Variants in MAML3 observed in about 807,000 individuals in gnomAD.
MAML3 encodes mastermind like transcriptional coactivator 3, also known as mastermind-like protein 3.
MAML3 carries 27 observed loss-of-function variants against 101.9 expected under a neutral mutation model. The observed-to-expected ratio is 0.27, with a 90% confidence interval of 0.20 to 0.37. The LOEUF is 0.37. MAML3 is among the 10% of genes least tolerant of loss of function. The probability of loss-of-function intolerance (pLI) is 1.00; values close to 1 mark genes in which losing one functional copy is unlikely to be tolerated. For missense variants in MAML3, 1,316 were observed against 1,444.9 expected (o/e 0.91, Z 1.45); for synonymous variants, 501 against 555.9 (o/e 0.90, Z 1.39).
intron 1 of MAML3, among the ~76,000 whole-genome samples, chr4:140,018,997 G>C (rs1188386293): frequency 8.4e-6 from 1 of 119,498 alleles, no homozygotes; most frequent in East Asian, 3.0e-4. Flanking sequence ...TGCAAAATTA[G>C]TAACTGAAGA....
At chr4:139,993,226 C>G (rs920273499) in intron 1 of MAML3, among the ~76,000 whole-genome samples, 2 of 151,780 alleles carry the variant, frequency 1.3e-5, no homozygotes, top group Non-Finnish European at 2.9e-5. Flanking sequence ...GTGGCACACC[C>G]CTGTAATCTC....
intron 2 of MAML3, chr4:139,740,636 A>G (rs1371610057): frequency 1.3e-5 from 2 of 152,120 alleles, no homozygotes; most frequent in African/African-American, 4.8e-5. Flanking sequence ...AGATTGCATA[A>G]CTGATGCATA....
intron 1 of MAML3, among the ~76,000 whole-genome samples, chr4:140,057,638 T>G (rs1301204769): frequency 2.0e-5 from 3 of 152,222 alleles, no homozygotes; most frequent in African/African-American, 7.2e-5. Flanking sequence ...TGGTTTATTA[T>G]GAGATCATCG....
Position 139,942,799 on chromosome 4 carries a change from C to T in MAML3, c.469-51832G>A, listed in dbSNP as rs182164793. On this transcript the variant is annotated intron_variant, in intron 1 of 4. Transcript: ENST00000509479. ...TTAGAAAACTGAATCGTGATTTGGT[C>T]CTTTTATTCCCCAAAGCTAAATAAA... Among the ~76,000 whole-genome samples, 163 of 152,166 alleles carry T rather than the reference C, an allele frequency of 1.1e-3. 6 individuals are homozygous for T. In the East Asian group the frequency reaches 0.027, roughly 26 times the overall value.
intron 2 of MAML3, among the ~76,000 whole-genome samples, chr4:139,819,582 T>C (rs1172625247): frequency 6.6e-6 from 1 of 152,184 alleles, no homozygotes; most frequent in African/African-American, 2.4e-5. Flanking sequence ...TAACTTCTTC[T>C]TGGGTATTTT....
chr4:139,812,648 C>A (rs1172532185), intron 2 of MAML3, among the ~76,000 whole-genome samples: 4 of 152,202 alleles, frequency 2.6e-5, no homozygotes, highest in Non-Finnish European at 5.9e-5. Flanking sequence ...GCCAGTCTTA[C>A]AACTTCTAGA....
intron 1 of MAML3, among the ~76,000 whole-genome samples, chr4:140,069,381 AAGAAGG>A (rs1400637226): frequency 0.02 from 1,918 of 98,204 alleles, 15 homozygotes; most frequent in Non-Finnish European, 0.026. Context: ...GAAGAAGAAG[AAGAAGG>A]AGGAGGAGGA....
intron 1 of MAML3, among the ~76,000 whole-genome samples, chr4:139,987,266 C>T (rs1307368116): frequency 6.6e-6 from 1 of 152,160 alleles, no homozygotes; most frequent in African/African-American, 2.4e-5. Context: ...CATCATACGA[C>T]GTCTCCTGGT....
chr4:140,103,697 T>A (rs1728287841), intron 1 of MAML3, among the ~76,000 whole-genome samples: 1 of 152,248 alleles, frequency 6.6e-6, no homozygotes, highest in Non-Finnish European at 1.5e-5. Context: ...TGAATCATTC[T>A]ACAACAAATA....
At chr4:139,821,453 G>A (rs779621757) in intron 2 of MAML3, among the ~76,000 whole-genome samples, 3 of 152,184 alleles carry the variant, frequency 2.0e-5, no homozygotes, top group African/African-American at 4.8e-5. Flanking sequence ...GATCTGAGGT[G>A]GAAGAGCTTC....
At chr4:139,994,759 T>TTGG (rs375120156) in intron 1 of MAML3, among the ~76,000 whole-genome samples, 1 of 150,758 alleles carries the variant, frequency 6.6e-6, no homozygotes, top group African/African-American at 2.4e-5. Flanking sequence ...TTAGTTTTAA[T>TTGG]TGGTGGTGGT....
chr4:139,730,705 C>T (rs1033299585), intron 2 of MAML3, 38 bp from the exon 3 acceptor site: 10 of 1,560,050 alleles, frequency 6.4e-6, no homozygotes, highest in Non-Finnish European at 8.8e-6. Flanking sequence ...AGGGATTCCC[C>T]ATAGAGACTC....
intron 1 of MAML3, among the ~76,000 whole-genome samples, chr4:140,120,104 G>A (rs1728581510): frequency 6.6e-6 from 1 of 152,052 alleles, no homozygotes; most frequent in Non-Finnish European, 1.5e-5. Flanking sequence ...GGGCGTGGTG[G>A]CGGGCGCCTG....
chr4:139,907,844 C>T (rs757679575), intron 1 of MAML3, among the ~76,000 whole-genome samples: 4 of 152,248 alleles, frequency 2.6e-5, no homozygotes, highest in African/African-American at 9.6e-5. Context: ...TCTTCTTCAC[C>T]GTGAATGATT....
intron 1 of MAML3, among the ~76,000 whole-genome samples, chr4:140,145,548 ATTTT>A (rs10534671): frequency 0.075 from 11,350 of 151,008 alleles, 636 homozygotes; most frequent in East Asian, 0.25. Flanking sequence ...GCCTTTTGAG[ATTTT>A]TTTGTTTTGT....
chr4:139,862,762 A>T (rs1161341924), intron 2 of MAML3, among the ~76,000 whole-genome samples: 1 of 152,238 alleles, frequency 6.6e-6, no homozygotes, highest in Non-Finnish European at 1.5e-5. Context: ...CTGGACTAGA[A>T]TAGAACTAGA....
At chr4:139,947,973 T>C (rs1733761364) in intron 1 of MAML3, among the ~76,000 whole-genome samples, 2 of 151,988 alleles carry the variant, frequency 1.3e-5, no homozygotes, top group Admixed American at 6.6e-5. Flanking sequence ...TGGGGGCGCA[T>C]GCCTGTAATC....
intron 1 of MAML3, among the ~76,000 whole-genome samples, chr4:139,934,295 G>A (rs1400583330): frequency 6.6e-6 from 1 of 151,822 alleles, no homozygotes; most frequent in Non-Finnish European, 1.5e-5. Flanking sequence ...GTGTGTGTGC[G>A]ACTATGGGTG....
chr4:139,838,918 G>A (rs1273455368), intron 2 of MAML3, among the ~76,000 whole-genome samples: 3 of 152,168 alleles, frequency 2.0e-5, no homozygotes, highest in Non-Finnish European at 4.4e-5. Flanking sequence ...CCTTGACATA[G>A]TGTCAGCAAC....
Sources: gnomAD v4.1 joint callset for allele counts (sites outside exome capture counted in the v4.1 genomes callset) on GRCh38, gnomAD v4.1.1 for gene constraint, MANE v1.5 for transcripts, NCBI Gene and HGNC (gene_info 2026-07-23, HGNC 2026-07-21) for gene names.